Variants in FSTL5 observed in about 807,000 individuals in gnomAD.
FSTL5 encodes the protein follistatin like 5, also known as follistatin-related protein 5.
Under a neutral mutation model 89.1 loss-of-function variants are expected in FSTL5, and 62 were observed. That is an observed-to-expected ratio of 0.70 (90% CI 0.57 to 0.86). FSTL5 has a LOEUF of 0.86. Among genes scored for constraint, FSTL5 ranks in the 40% least tolerant of loss-of-function variants. The pLI, the probability that FSTL5 is intolerant of heterozygous loss-of-function variation, is 0.00. For synonymous variants in FSTL5, 383 were observed against 346.2 expected (o/e 1.11, Z -1.18); for missense variants, 1,057 against 1,001.6 (o/e 1.06, Z -0.75).
rs969270720 is a variant in FSTL5 at position 161,658,291 on chromosome 4, T to G, written c.728-1797A>C. Among the ~76,000 whole-genome samples the G allele has an allele frequency of 2.6e-5, 4 of 151,638 alleles. No homozygotes were observed. In the East Asian group the frequency reaches 5.9e-4, roughly 22 times the overall value. ...CTGGCCAACATGGTGAAACCCCATC[T>G]CTACTAAAAATAGAAAAAAAAGCCA... is the stretch of plus-strand genomic sequence containing the variant. On this transcript the variant is annotated intron_variant, in intron 6 of 15. Coordinates refer to ENST00000306100, the MANE Select transcript of FSTL5 (RefSeq NM_020116.5).
Position 161,457,879 on chromosome 4 carries a change from A to G in FSTL5, c.1716+1333T>C, listed in dbSNP as rs577219804. Among the ~76,000 whole-genome samples the G allele has an allele frequency of 4.6e-5, 7 of 152,304 alleles. No homozygotes were observed. The East Asian group carries it at 1.4e-3, about 29-fold the overall frequency. ...CTGTGAAGATTGTGCTTTTTCAATC[A>G]AGAGATTGGCTCTATCACTCCATCC... On this transcript the variant is annotated intron_variant, in intron 14 of 15. Transcript: ENST00000306100.
chr4:161,728,589 C>CAT lies in FSTL5; in HGVS notation c.727+30820_727+30821dup, dbSNP rs199755317. Among the ~76,000 whole-genome samples the CAT allele has an allele frequency of 4.9e-3, 742 of 151,966 alleles. 4 individuals carry two copies. Among genetic ancestry groups the CAT allele is most frequent in the African/African-American group, 0.017 (709 of 41,446 alleles). ...GAATTCATCTAATCATATATATACA[C>CAT]ATATATATATGATGACAAAGAAGAT... On this transcript the variant is annotated intron_variant, in intron 6 of 15. Transcript: ENST00000306100.
chr4:161,936,414 C>G (rs1312331867), intron 3 of FSTL5, among the ~76,000 whole-genome samples: 1 of 152,012 alleles, frequency 6.6e-6, no homozygotes, highest in African/African-American at 2.4e-5. Flanking sequence ...ACTAAAAATA[C>G]TTTAAAATAG....
intron 2 of FSTL5, among the ~76,000 whole-genome samples, chr4:162,098,464 G>T (rs1730856209): frequency 6.6e-6 from 1 of 151,874 alleles, no homozygotes; most frequent in Non-Finnish European, 1.5e-5. Context: ...GTAACATCTG[G>T]GCTGTCCATT....
chr4:161,487,122 A>G (rs1443838852), intron 12 of FSTL5, among the ~76,000 whole-genome samples: 3 of 152,202 alleles, frequency 2.0e-5, no homozygotes, highest in Non-Finnish European at 4.4e-5. Context: ...GCAATGAATC[A>G]TATATTATAT....
chr4:161,476,188 TGTTTGTTTG>T (rs1382456356), intron 13 of FSTL5, among the ~76,000 whole-genome samples: 5 of 69,950 alleles, frequency 7.1e-5, no homozygotes, highest in South Asian at 4.4e-4. Flanking sequence ...TTTTTTTTTT[TGTTTGTTTG>T]TTTTTTTGAG....
chr4:162,155,669 T>C (rs563658999), intron 1 of FSTL5, among the ~76,000 whole-genome samples: 228 of 152,336 alleles, frequency 1.5e-3, no homozygotes, highest in African/African-American at 5.3e-3. Flanking sequence ...AGTATGCTCT[T>C]AAACTATAAG....
intron 4 of FSTL5, among the ~76,000 whole-genome samples, chr4:161,898,818 A>T (rs1044790408): frequency 6.6e-6 from 1 of 151,586 alleles, no homozygotes. Flanking sequence ...TTTAGTAGAG[A>T]CGGGGTTTCA....
intron 3 of FSTL5, among the ~76,000 whole-genome samples, chr4:162,014,995 T>C (rs1484684176): frequency 6.6e-6 from 1 of 152,168 alleles, no homozygotes; most frequent in East Asian, 1.9e-4. Flanking sequence ...GAAGAACCCA[T>C]TGCAGATCAA....
chr4:161,599,679 C>G (rs910298692), intron 7 of FSTL5, among the ~76,000 whole-genome samples: 11 of 151,762 alleles, frequency 7.2e-5, no homozygotes, highest in Admixed American at 1.3e-4. Context: ...CTCAGTTGGA[C>G]AAGCCCTTTC....
chr4:161,565,141 T>C (rs1732752389), intron 8 of FSTL5, among the ~76,000 whole-genome samples: 1 of 151,848 alleles, frequency 6.6e-6, no homozygotes, highest in Admixed American at 6.6e-5. Flanking sequence ...CATAAGTGCC[T>C]CTCAGACCTC....
intron 4 of FSTL5, among the ~76,000 whole-genome samples, chr4:161,833,436 T>C (rs1730917531): frequency 8.6e-6 from 1 of 116,848 alleles, no homozygotes; most frequent in Non-Finnish European, 1.9e-5. Context: ...TGGGTATCCT[T>C]GTTAACTTTC....
intron 7 of FSTL5, among the ~76,000 whole-genome samples, chr4:161,608,904 T>C (rs1167618432): frequency 6.6e-6 from 1 of 152,090 alleles, no homozygotes; most frequent in East Asian, 1.9e-4. Flanking sequence ...TTTTCACACC[T>C]GTTGCCTGGT....
Position 161,815,007 on chromosome 4 carries a change from T to C in FSTL5, c.410-38933A>G, listed in dbSNP as rs543533089. The stretch of plus-strand genomic sequence containing the variant: ...TTTATATTTTAAATTTAAAGACTGC[T>C]GTTGCAGATACTCATTGCCATCATG... On this transcript the variant is annotated intron_variant, in intron 4 of 15. Transcript: ENST00000306100. Among the ~76,000 whole-genome samples, 120 of 152,206 alleles carry C rather than the reference T, an allele frequency of 7.9e-4. 1 individual carries two copies. The highest frequency in any genetic ancestry group is 2.8e-3 in the African/African-American group (115 of 41,574).
At chr4:161,713,892 T>G (rs1738886759) in intron 6 of FSTL5, among the ~76,000 whole-genome samples, 4 of 152,194 alleles carry the variant, frequency 2.6e-5, no homozygotes, top group Admixed American at 1.3e-4. Context: ...GTTTGCATTC[T>G]AATTCTTTGA....
At chr4:161,776,213 T>C (rs1741407798) in intron 4 of FSTL5, 139 bp from the exon 5 acceptor site, 2 of 472,424 alleles carry the variant, frequency 4.2e-6, no homozygotes, top group Admixed American at 8.6e-5. Flanking sequence ...GATTTACAAC[T>C]TGTACAAGAA....
intron 3 of FSTL5, among the ~76,000 whole-genome samples, chr4:162,024,141 A>G (rs1219172503): frequency 6.6e-6 from 1 of 152,196 alleles, no homozygotes; most frequent in African/African-American, 2.4e-5. Context: ...TGCAAACTTT[A>G]TTTAAAAAAG....
chr4:161,386,499 C>T lies in FSTL5; in HGVS notation c.1842-50G>A, dbSNP rs563840003. The T allele has an allele frequency of 3.8e-5, 52 of 1,363,636 alleles. 1 individual carries two copies. In the Admixed American group the frequency reaches 8.3e-4, roughly 22 times the overall value. 84.5% of individuals were successfully genotyped at this position (1,363,636 alleles called of 1,614,324 possible). ...AGACAGGAAGCAATGGAGTTTTTAG[C>T]CGTAAGAAAAAAACTAGATACAGGT... On this transcript the variant is annotated intron_variant, in intron 15 of 15. Coordinates refer to ENST00000306100, the MANE Select transcript of FSTL5 (RefSeq NM_020116.5).
intron 3 of FSTL5, among the ~76,000 whole-genome samples, chr4:161,996,006 C>A (rs1167922492): frequency 1.3e-5 from 2 of 152,126 alleles, no homozygotes; most frequent in African/African-American, 4.8e-5. Context: ...GATAAAAGAA[C>A]ACTGGAGTTA....
Sources: allele counts gnomAD v4.1 joint callset (sites outside exome capture counted in the v4.1 genomes callset), GRCh38; gene constraint gnomAD v4.1.1; transcripts MANE v1.5; gene names NCBI Gene and HGNC (gene_info 2026-07-23, HGNC 2026-07-21).